PCSK5: variants seen among roughly 807,000 people sequenced by gnomAD.
The protein encoded by PCSK5 is proprotein convertase subtilisin/kexin type 5, also known as prohormone convertase 5.
Under a neutral mutation model 233.2 loss-of-function variants are expected in PCSK5, and 129 were observed. That is an observed-to-expected ratio of 0.55 (90% CI 0.48 to 0.64). PCSK5 has a LOEUF of 0.64. PCSK5 is among the 30% of genes least tolerant of loss of function. The pLI is 0.00. For missense variants in PCSK5, 2,076 were observed against 2,430.1 expected (o/e 0.85, Z 3.06); for synonymous variants, 825 against 879.2 (o/e 0.94, Z 1.09).
intron 2 of PCSK5, among the ~76,000 whole-genome samples, chr9:75,943,868 A>G (rs940104648): frequency 2.0e-5 from 3 of 152,302 alleles, no homozygotes; most frequent in African/African-American, 7.2e-5. Context: ...TGATCCCCAA[A>G]ATAATATGTA....
intron 3 of PCSK5, among the ~76,000 whole-genome samples, chr9:76,003,642 T>C (rs893370818): frequency 6.6e-6 from 1 of 152,186 alleles, no homozygotes; most frequent in African/African-American, 2.4e-5. Context: ...AGAACAACAT[T>C]CTCCTGTATA....
At chr9:76,003,985 AGAGCAG>A (rs1563966724) in intron 3 of PCSK5, among the ~76,000 whole-genome samples, 2 of 152,074 alleles carry the variant, frequency 1.3e-5, no homozygotes, top group African/African-American at 4.8e-5. Context: ...TATTTTTTGT[AGAGCAG>A]GGTTTCGTGT....
chr9:76,051,537 T>C (rs1829628844), intron 5 of PCSK5, among the ~76,000 whole-genome samples: 1 of 152,124 alleles, frequency 6.6e-6, no homozygotes, highest in Non-Finnish European at 1.5e-5. Context: ...TACTTGAAAG[T>C]GTTATATTTT....
chr9:76,125,811 G>T (rs10869701), intron 9 of PCSK5, among the ~76,000 whole-genome samples: 23,291 of 152,160 alleles, frequency 0.15, 2,344 homozygotes, highest in East Asian at 0.35. Flanking sequence ...TCTATGTGGG[G>T]TTTTTTGTTG....
intron 9 of PCSK5, among the ~76,000 whole-genome samples, chr9:76,129,289 C>A (rs1822659631): frequency 6.6e-6 from 1 of 152,048 alleles, no homozygotes; most frequent in Non-Finnish European, 1.5e-5. Context: ...TTGAAGGAGA[C>A]TAGTTTCATC....
At chr9:76,039,258 T>C (rs182708858) in intron 5 of PCSK5, among the ~76,000 whole-genome samples, 9 of 152,252 alleles carry the variant, frequency 5.9e-5, no homozygotes, top group Admixed American at 1.3e-4. Context: ...CTAACACAGG[T>C]TTAATGCATC....
chr9:75,928,254 T>A (rs1275698640), intron 1 of PCSK5, among the ~76,000 whole-genome samples: 1 of 152,136 alleles, frequency 6.6e-6, no homozygotes, highest in African/African-American at 2.4e-5. Flanking sequence ...ATACTCCTAT[T>A]GTTTCTGATT....
At chr9:76,236,414 T>C (rs981774639) in intron 22 of PCSK5, among the ~76,000 whole-genome samples, 2 of 152,190 alleles carry the variant, frequency 1.3e-5, no homozygotes, top group African/African-American at 2.4e-5. Flanking sequence ...TGTCCCCTAT[T>C]ATCCCATTTG....
intron 17 of PCSK5, among the ~76,000 whole-genome samples, chr9:76,185,664 A>G (rs972443765): frequency 6.6e-6 from 1 of 152,160 alleles, no homozygotes; most frequent in African/African-American, 2.4e-5. Context: ...CAGTACTGAG[A>G]AAGAATTAGC....
intron 2 of PCSK5, among the ~76,000 whole-genome samples, chr9:75,961,440 G>T (rs947880829): frequency 6.6e-6 from 1 of 152,170 alleles, no homozygotes; most frequent in African/African-American, 2.4e-5. Flanking sequence ...CCTGAATATG[G>T]CAGCCGCTAA....
chr9:76,069,826 A>G (rs149894731), intron 6 of PCSK5, among the ~76,000 whole-genome samples: 2 of 152,226 alleles, frequency 1.3e-5, no homozygotes, highest in Non-Finnish European at 1.5e-5. Context: ...ATGCTTTTCA[A>G]TAGAAAGTAA....
In PCSK5 at chr9:75,895,192, G is replaced by A. The variant is rs1046195830; in HGVS notation, c.192+3819G>A. On this transcript the variant is annotated intron_variant, in intron 1 of 37. Transcript: ENST00000674117. ...AGCATGTGGACTTGGAAACTCTGGAGAGGCCACTTTCGAGGCTGTGAAAGC... is the reference window on the plus strand; with the variant it reads ...AGCATGTGGACTTGGAAACTCTGGAAAGGCCACTTTCGAGGCTGTGAAAGC... Among the ~76,000 whole-genome samples, 3 of 152,206 alleles carry A rather than the reference G, an allele frequency of 2.0e-5. No individual in the cohort carries two copies. In the East Asian group the frequency reaches 5.8e-4, roughly 29 times the overall value.
At chr9:76,240,429 A>G (rs890559350) in intron 23 of PCSK5, among the ~76,000 whole-genome samples, 187 bp from the exon 24 acceptor site, 17 of 152,226 alleles carry the variant, frequency 1.1e-4, no homozygotes, top group African/African-American at 3.4e-4. Flanking sequence ...AGCTGATTCA[A>G]TCTATTCAAT....
intron 20 of PCSK5, among the ~76,000 whole-genome samples, chr9:76,196,275 G>A (rs562503677): frequency 1.1e-4 from 16 of 152,362 alleles, no homozygotes; most frequent in Non-Finnish European, 2.2e-4. Flanking sequence ...AGGGTTAGGA[G>A]CCATGGCTGG....
rs1041503041 is a variant in PCSK5, at chr9:75,891,531, G to GCATACACACACA, written c.192+160_192+161insTACACACACACA. Among the ~76,000 whole-genome samples the GCATACACACACA allele has an allele frequency of 2.0e-5, 3 of 148,686 alleles. No individual in the cohort carries two copies. In the East Asian group the frequency reaches 6.3e-4, roughly 31 times the overall value. On this transcript the variant is annotated intron_variant, in intron 1 of 37. Transcript: ENST00000674117. ...CTGTCTCCTGCGCGCGCGCGCGTACGCACACACACACACACACACACACAC... is the reference window on the plus strand; with the variant it reads ...CTGTCTCCTGCGCGCGCGCGCGTACGCATACACACACACACACACACACACACACACACACAC...
intron 34 of PCSK5, among the ~76,000 whole-genome samples, chr9:76,335,761 G>A (rs1829660883): frequency 6.6e-6 from 1 of 152,090 alleles, no homozygotes; most frequent in Non-Finnish European, 1.5e-5. Context: ...AATAAAAACA[G>A]TAGGTAAAAA....
At chr9:76,083,242 T>A (rs1830925148) in intron 7 of PCSK5, among the ~76,000 whole-genome samples, 1 of 151,460 alleles carries the variant, frequency 6.6e-6, no homozygotes, top group Non-Finnish European at 1.5e-5. Context: ...AAGTATTTCT[T>A]GAATACCCAC....
In PCSK5 at chr9:76,134,175, C is replaced by T. The variant is rs1822878058; in HGVS notation, c.1275C>T (p.Asn425=). 4 of 1,608,858 alleles carry T rather than the reference C, an allele frequency of 2.5e-6. No homozygotes were observed. Among genetic ancestry groups the T allele is most frequent in the Non-Finnish European group, 2.5e-6 (3 of 1,177,400 alleles). ...IVRTSRAGHL[N]ANDWKTNAAG... ...GGACTTCCCGTGCGGGACATTTGAA[C>T]GCTAATGACTGGAAAACCAATGCTG... The change falls in exon 10 of 38, where the codon AAC becomes AAT. Residue 425 remains asparagine, a synonymous_variant. Coordinates refer to ENST00000674117, the MANE Select transcript of PCSK5 (RefSeq NM_001372043.1).
chr9:76,340,639 CA>C (rs57319222), intron 35 of PCSK5, among the ~76,000 whole-genome samples: 25,355 of 95,110 alleles, frequency 0.27, 2,504 homozygotes, highest in Non-Finnish European at 0.31. Context: ...ACGAGACTGT[CA>C]AAAAAAAAAA....
Sources: allele counts gnomAD v4.1 joint callset (sites outside exome capture counted in the v4.1 genomes callset), GRCh38; gene constraint gnomAD v4.1.1; transcripts MANE v1.5; gene names NCBI Gene and HGNC (gene_info 2026-07-23, HGNC 2026-07-21).